Variants in ZNF544 observed in about 807,000 individuals in gnomAD.
The protein encoded by ZNF544 is zinc finger protein AF020591.
In ZNF544, 10 loss-of-function variants were observed where a neutral mutation model predicts 13.5. The observed-to-expected ratio is 0.74, with a 90% CI of 0.46 to 1.25. ZNF544 has a LOEUF of 1.25. ZNF544 is among the 50% of genes most tolerant of loss of function. The pLI is 0.00. For missense variants in ZNF544, 896 were observed against 845.6 expected (o/e 1.06, Z -0.74); for synonymous variants, 323 against 300.5 (o/e 1.07, Z -0.77).
chr19:58,256,128 AAGAG>A (rs113947005), intron 6 of ZNF544, among the ~76,000 whole-genome samples: 1 of 152,272 alleles, frequency 6.6e-6, no homozygotes, highest in East Asian at 1.9e-4. Context: ...GAAAGGGAAA[AAGAG>A]AGAGAGAAAA....
rs754018793 is a variant in ZNF544, at chr19:58,262,673, A to G, written c.2067A>G (p.Glu689=). The G allele has an allele frequency of 6.2e-7, 1 of 1,613,078 alleles. No individual in the cohort carries two copies. Among genetic ancestry groups the G allele is most frequent in the South Asian group, 1.1e-5 (1 of 91,028 alleles). ...HRIHSGEKPY[E]CSDCGKSFRQ... The stretch of plus-strand genomic sequence containing the variant: ...TTCATTCTGGAGAGAAACCCTATGA[A>G]TGTAGTGACTGTGGGAAATCCTTCC... Residue 689 remains glutamate, a synonymous_variant, in exon 7 of 7, where the codon GAA becomes GAG. Transcript: ENST00000687789.
intron 5 of ZNF544, 75 bp from the exon 6 acceptor site, chr19:58,246,636 G>A: frequency 6.4e-7 from 1 of 1,559,922 alleles, no homozygotes; most frequent in Non-Finnish European, 8.8e-7. Context: ...CAGCACTAGG[G>A]GCTGAAGCTT....
chr19:58,246,821 C>T (rs1283133195), intron 6 of ZNF544, 27 bp downstream of exon 6: 4 of 1,607,100 alleles, frequency 2.5e-6, no homozygotes, highest in African/African-American at 1.3e-5. Flanking sequence ...TGGTGAGCAG[C>T]TCAACGTTTA....
exon 7 of ZNF544, chr19:58,277,235 G>A (rs2051286630): frequency 1.4e-6 from 1 of 716,218 alleles, no homozygotes; most frequent in African/African-American, 3.9e-5. Context: ...GGATCTGAGA[G>A]AGTGTGGCCA....
chr19:58,241,187 T>TAATATATATATA (rs1425417671), intron 3 of ZNF544, among the ~76,000 whole-genome samples: 3 of 50,666 alleles, frequency 5.9e-5, no homozygotes, highest in African/African-American at 2.3e-4. Flanking sequence ...ATATTTTTTT[T>TAATATATATATA]TTTTTGTAGA....
chr19:58,268,919 A>C (rs1259152979), downstream of ZNF544, among the ~76,000 whole-genome samples: 2 of 152,252 alleles, frequency 1.3e-5, no homozygotes, highest in Non-Finnish European at 2.9e-5. Flanking sequence ...GTTTCAAGGA[A>C]GTTAGTTTAT....
intron 6 of ZNF544, among the ~76,000 whole-genome samples, chr19:58,255,803 G>A (rs933097810): frequency 1.3e-5 from 2 of 152,202 alleles, no homozygotes; most frequent in African/African-American, 4.8e-5. Flanking sequence ...GACTGTAACT[G>A]GAAAATAGAG....
At chr19:58,231,686 ACAGAG>A (rs1185764534) in intron 3 of ZNF544, 1 of 152,212 alleles carries the variant, frequency 6.6e-6, no homozygotes, top group Non-Finnish European at 1.5e-5. Flanking sequence ...TGTCTTTAAT[ACAGAG>A]CAGCTTTGTA....
At chr19:58,273,905 C>T (rs2050985343) in intron 5 of ZNF544, among the ~76,000 whole-genome samples, 1 of 151,796 alleles carries the variant, frequency 6.6e-6, no homozygotes, top group African/African-American at 2.4e-5. Flanking sequence ...AAGTGATTCT[C>T]CTGCCTCAGC....
intron 3 of ZNF544, among the ~76,000 whole-genome samples, chr19:58,241,732 C>T (rs958386937): frequency 6.6e-5 from 10 of 151,836 alleles, no homozygotes; most frequent in Admixed American, 2.0e-4. Context: ...CTCCTGACCT[C>T]GTGATCCGCC....
intron 3 of ZNF544, among the ~76,000 whole-genome samples, chr19:58,243,344 C>G (rs1022053975): frequency 6.6e-6 from 1 of 151,444 alleles, no homozygotes; most frequent in Non-Finnish European, 1.5e-5. Flanking sequence ...GGGTTTGGTG[C>G]CACATTCAAG....
chr19:58,244,874 G>A (rs1214408255), intron 4 of ZNF544, among the ~76,000 whole-genome samples: 1 of 151,786 alleles, frequency 6.6e-6, no homozygotes, highest in Non-Finnish European at 1.5e-5. Flanking sequence ...ACCATGCGCA[G>A]CCTCTTCCTC....
rs1462861186 is a variant in ZNF544, at chr19:58,262,758, T to C, written c.*4T>C. On this transcript the variant is annotated 3_prime_UTR_variant, in exon 7 of 7. Coordinates refer to ENST00000687789, the MANE Select transcript of ZNF544 (RefSeq NM_014480.4). ...ACATACTGGAGAGAAACCTTAGGAG[T>C]GCAGTCATTGTGGGAAAGCTTTCAT... The C allele has an allele frequency of 3.2e-6, 5 of 1,581,328 alleles. No individual in the cohort carries two copies. The highest frequency in any genetic ancestry group is 1.8e-5 in the Admixed American group (1 of 56,736).
chr19:58,257,871 G>A (rs945096287), intron 6 of ZNF544: 2 of 152,100 alleles, frequency 1.3e-5, no homozygotes, highest in African/African-American at 2.4e-5. Context: ...ACCCTCTCAC[G>A]TTTCCCCCAG....
In ZNF544 at chr19:58,262,483, A is replaced by T. The variant is rs1474426274; in HGVS notation, c.1877A>T (p.His626Leu). Reference protein sequence around the residue: ...STQLIRHLQIHTGEKPYKCNQ... With the variant: ...STQLIRHLQILTGEKPYKCNQ... The stretch of plus-strand genomic sequence containing the variant: ...CAGCTCATCAGGCATCTGCAAATTC[A>T]CACTGGGGAGAAGCCGTACAAATGC... Residue 626 changes from histidine to leucine, a missense_variant, in exon 7 of 7, where the codon CAC becomes CTC. By Grantham distance (99) the His-to-Leu change is moderately conservative. Coordinates refer to ENST00000687789, the MANE Select transcript of ZNF544 (RefSeq NM_014480.4). 5 of 1,614,058 alleles carry T rather than the reference A, an allele frequency of 3.1e-6. No homozygotes were observed. Among genetic ancestry groups the T allele is most frequent in the Non-Finnish European group, 4.2e-6 (5 of 1,180,034 alleles).
intron 6 of ZNF544, among the ~76,000 whole-genome samples, chr19:58,252,030 G>A (rs915910766): frequency 2.0e-5 from 3 of 152,228 alleles, no homozygotes; most frequent in African/African-American, 7.2e-5. Context: ...AAACTTCTCT[G>A]TTCTGGTAGG....
chr19:58,231,331 G>C (rs1332889048), intron 3 of ZNF544, among the ~76,000 whole-genome samples: 1 of 152,182 alleles, frequency 6.6e-6, no homozygotes, highest in Admixed American at 6.5e-5. Context: ...TTTTACTCAA[G>C]TTCTTTCTGC....
intron 6 of ZNF544, among the ~76,000 whole-genome samples, chr19:58,253,497 G>T (rs1034379598): frequency 6.6e-6 from 1 of 152,192 alleles, no homozygotes; most frequent in Non-Finnish European, 1.5e-5. Context: ...GGAGTACAGA[G>T]GCACAATCTC....
chr19:58,258,550 G>C (rs1427543398), intron 6 of ZNF544: 2 of 67,720 alleles, frequency 3.0e-5, no homozygotes, highest in Admixed American at 3.2e-4. Flanking sequence ...CTGGGTGTGA[G>C]GGCACCAGGT....
Sources: gnomAD v4.1 joint callset for allele counts (sites outside exome capture counted in the v4.1 genomes callset) on GRCh38, gnomAD v4.1.1 for gene constraint, MANE v1.5 for transcripts, NCBI Gene and HGNC (gene_info 2026-07-23, HGNC 2026-07-21) for gene names.